ZNF462: variants seen among roughly 807,000 people sequenced by gnomAD.
ZNF462 encodes the protein zinc finger PBX1-interacting protein.
Under a neutral mutation model 201.9 loss-of-function variants are expected in ZNF462, and 10 were observed. The ratio of observed to expected loss-of-function variants is 0.05; its 90% CI spans 0.03 to 0.08. ZNF462 has a LOEUF of 0.08. ZNF462 is among the 10% of genes least tolerant of loss of function. The probability of loss-of-function intolerance (pLI) is 1.00; values close to 1 mark genes in which losing one functional copy is unlikely to be tolerated. For missense variants in ZNF462, 2,523 were observed against 3,168.3 expected, an observed-to-expected ratio of 0.80 and a Z score of 4.89; for synonymous variants, 1,227 against 1,193.3, an observed-to-expected ratio of 1.03 and a Z score of -0.58.
At chr9:106,967,935 A>C (rs1012218147) in intron 7 of ZNF462, among the ~76,000 whole-genome samples, 2 of 150,912 alleles carry the variant, frequency 1.3e-5, no homozygotes, top group African/African-American at 4.9e-5. Flanking sequence ...TTCCCTATTC[A>C]TTTTAGTGTT....
chr9:106,926,629 G>C lies in ZNF462; in HGVS notation c.2717G>C (p.Gly906Ala), dbSNP rs777841203. 1 of 1,613,988 alleles carries C rather than the reference G, an allele frequency of 6.2e-7. No individual in the cohort carries two copies. The highest frequency in any genetic ancestry group is 8.5e-7 in the Non-Finnish European group (1 of 1,180,008). The change falls in exon 3 of 13, where the codon GGC (glycine) becomes GCC (alanine). Residue 906 changes from glycine (G) to alanine (A), a missense_variant. Gly to Ala is a moderately conservative substitution (Grantham distance 60, BLOSUM62 0). Around this residue, in one of 15 missense-constraint regions of ZNF462, gnomAD observed 280 missense variants for 321.3 expected, o/e 0.87. Coordinates refer to ENST00000277225, the MANE Select transcript of ZNF462 (RefSeq NM_021224.6). The surrounding 1 kb of genome is among the most constrained non-coding windows in gnomAD (Gnocchi z 7.9). ...TNFEDLQQHYGEHHPEAMNVL... is the reference protein window; with the variant it reads ...TNFEDLQQHYAEHHPEAMNVL... Reference sequence around the variant, plus strand: ...TTCGAAGATCTCCAGCAGCATTATGGCGAGCACCACCCAGAAGCCATGAAT... The same window carrying C: ...TTCGAAGATCTCCAGCAGCATTATGCCGAGCACCACCCAGAAGCCATGAAT...
At position 106,970,878 on chromosome 9, in the gene ZNF462, C is replaced by A. The variant is rs1037121745; in HGVS notation, c.6428-1127C>A. ...AAGAAGAAACGCTGAGATTTCCCCT[C>A]CTCCCTCCTAGATCAGATTTCTCCA... On this transcript the variant is annotated intron_variant, in intron 7 of 12. Transcript: ENST00000277225. This position sits in a 1 kb window ranked among gnomAD's most constrained non-coding sequence, Gnocchi z 4.2. Among the ~76,000 whole-genome samples the A allele has an allele frequency of 2.0e-5, 3 of 151,350 alleles. No individual in the cohort carries two copies. Among genetic ancestry groups the A allele is most frequent in the African/African-American group, 7.3e-5 (3 of 41,122 alleles).
upstream of ZNF462, among the ~76,000 whole-genome samples, chr9:106,860,845 C>T (rs190019713): frequency 6.5e-3 from 986 of 152,176 alleles, 33 homozygotes; most frequent in Admixed American, 0.059. This position sits in a 1 kb window ranked among gnomAD's most constrained non-coding sequence, Gnocchi z 7.1. Context: ...TCCCTAGGTC[C>T]CTCCGGGCAC....
At position 106,924,521 on chromosome 9, in the gene ZNF462, A is replaced by G; in HGVS notation, c.609A>G (p.Pro203=). 1.2e-6 allele frequency: 2 copies of G among 1,614,156 alleles called. No homozygotes were observed. The highest frequency in any genetic ancestry group is 1.7e-6 in the Non-Finnish European group (2 of 1,180,026). The stretch of plus-strand genomic sequence containing the variant: ...CCCCACCTGCTCCTGCTCCAATGCC[A>G]GACCCTGTGGTTCCGCCCGTATCAC... ...TAPPPAPAPM[P]DPVVPPVSLQ... Residue 203 remains proline, a synonymous_variant, in exon 3 of 13, where the codon CCA becomes CCG. Coordinates refer to ENST00000277225, the MANE Select transcript of ZNF462 (RefSeq NM_021224.6). The surrounding 1 kb of genome is among the most constrained non-coding windows in gnomAD (Gnocchi z 6.2).
rs373468152 is a variant in ZNF462, at chr9:106,926,068, A to G, written c.2156A>G (p.Asn719Ser). The G allele has an allele frequency of 4.3e-6, 7 of 1,614,118 alleles. No homozygotes were observed. The African/African-American group carries it at 5.3e-5, about 12-fold the overall frequency. The change falls in exon 3 of 13, where the codon AAT becomes AGT. Residue 719 changes from asparagine (N) to serine (S), a missense_variant. By Grantham distance (46) the Asn-to-Ser change is conservative. Around this residue, in one of 15 missense-constraint regions of ZNF462, gnomAD observed 383 missense variants for 453.4 expected, o/e 0.84. Transcript: ENST00000277225. This position sits in a 1 kb window ranked among gnomAD's most constrained non-coding sequence, Gnocchi z 7.9. ...QTKQQEDAVI[N>S]VEDDEEEEED... ...AAACAGCAGGAAGATGCAGTGATCA[A>G]TGTTGAGGATGATGAAGAGGAAGAG... is the stretch of plus-strand genomic sequence containing the variant.
At position 106,984,471 on chromosome 9, in the gene ZNF462, A is replaced by G; in HGVS notation, c.7056+62A>G. ...CTTGTGGGGAGGGGCCAAGGGGGAG[A>G]CACCACTGCATTTAGTCACGACCAC... On this transcript the variant is annotated intron_variant, in intron 10 of 12. Transcript: ENST00000277225. The surrounding 1 kb of genome is among the most constrained non-coding windows in gnomAD (Gnocchi z 6.4). 1 of 1,340,736 alleles carries G rather than the reference A, an allele frequency of 7.5e-7. No homozygotes were observed. Among genetic ancestry groups the G allele is most frequent in the East Asian group, 2.3e-5 (1 of 43,336 alleles). 83.1% of individuals were successfully genotyped at this position (1,340,736 alleles called of 1,614,324 possible). A position where few individuals can be genotyped will look rare whatever the true frequency, so the allele number is the denominator to read the frequency against.
chr9:106,950,702 T>C lies in ZNF462; in HGVS notation c.6427+11595T>C, dbSNP rs895611572. Among the ~76,000 whole-genome samples the C allele has an allele frequency of 1.3e-5, 2 of 152,204 alleles. No homozygotes were observed. Among genetic ancestry groups the C allele is most frequent in the Non-Finnish European group, 2.9e-5 (2 of 68,034 alleles). The stretch of plus-strand genomic sequence containing the variant: ...GTGTGTTGTTCTGTGGACAATAAAA[T>C]AAGATCATTTTTGCTAATATGGTTA... On this transcript the variant is annotated intron_variant, in intron 7 of 12. Coordinates refer to ENST00000277225, the MANE Select transcript of ZNF462 (RefSeq NM_021224.6). This position sits in a 1 kb window ranked among gnomAD's most constrained non-coding sequence, Gnocchi z 4.1.
At chr9:106,881,357 A>G (rs1204790172) in intron 1 of ZNF462, among the ~76,000 whole-genome samples, 1 of 152,014 alleles carries the variant, frequency 6.6e-6, no homozygotes, top group Non-Finnish European at 1.5e-5. Context: ...GGTGAGGGCC[A>G]TGGTGTATAG....
chr9:106,982,096 G>A (rs1382116019), intron 9 of ZNF462, among the ~76,000 whole-genome samples: 1 of 150,454 alleles, frequency 6.6e-6, no homozygotes, highest in Non-Finnish European at 1.5e-5. Context: ...GTTCCCCGTG[G>A]TTCAGCCTGC....
In ZNF462 at chr9:106,930,474, A is replaced by T. The variant is rs1250055167; in HGVS notation, c.5848-51A>T. 11 of 1,596,536 alleles carry T rather than the reference A, an allele frequency of 6.9e-6. No homozygotes were observed. Among genetic ancestry groups the T allele is most frequent in the African/African-American group, 1.3e-5 (1 of 74,418 alleles). On this transcript the variant is annotated intron_variant, in intron 3 of 12. Coordinates refer to ENST00000277225, the MANE Select transcript of ZNF462 (RefSeq NM_021224.6). This position sits in a 1 kb window ranked among gnomAD's most constrained non-coding sequence, Gnocchi z 5.8. ...TAGTAAACTGCAAGAATAAATTCTGACAATTGAGGGAGGGCTCGGAGTACT... is the reference window on the plus strand; with the variant it reads ...TAGTAAACTGCAAGAATAAATTCTGTCAATTGAGGGAGGGCTCGGAGTACT...
chr9:106,864,074 C>CTG (rs1564062467), intron 1 of ZNF462, among the ~76,000 whole-genome samples: 1 of 132,504 alleles, frequency 7.5e-6, no homozygotes, highest in Non-Finnish European at 1.6e-5. Context: ...CTCTCTCTCT[C>CTG]TCTCTCTCTC....
chr9:107,004,764 A>T (rs1324351437), intron 11 of ZNF462, among the ~76,000 whole-genome samples: 1 of 152,168 alleles, frequency 6.6e-6, no homozygotes, highest in African/African-American at 2.4e-5. Flanking sequence ...ATTGTCAGGT[A>T]TACAATATGT....
At chr9:107,000,006 T>A (rs527498394) in intron 10 of ZNF462, among the ~76,000 whole-genome samples, 107 of 152,144 alleles carry the variant, frequency 7.0e-4, no homozygotes, top group Middle Eastern at 3.4e-3. Context: ...TGCAGAATGC[T>A]GTGAACACAT....
chr9:107,011,204 A>T lies in ZNF462; in HGVS notation c.*174A>T. The T allele has an allele frequency of 1.7e-6, 1 of 596,496 alleles. No homozygotes were observed. The highest frequency in any genetic ancestry group is 2.8e-5 in the East Asian group (1 of 35,480). 37.0% of individuals were successfully genotyped at this position (596,496 alleles called of 1,614,324 possible). ...ACCTGTGTGAGTGAGTATGTAAATT[A>T]AAGTTATTTAAATGGTTGGAATATG... On this transcript the variant is annotated 3_prime_UTR_variant, in exon 13 of 13. Coordinates refer to ENST00000277225, the MANE Select transcript of ZNF462 (RefSeq NM_021224.6). This position sits in a 1 kb window ranked among gnomAD's most constrained non-coding sequence, Gnocchi z 5.6.
rs188247872 is a variant in ZNF462 at position 106,962,771 on chromosome 9, T to G, written c.6428-9234T>G. 1.3e-3 allele frequency among the ~76,000 whole-genome samples: 191 copies of G among 152,190 alleles called. 2 individuals carry two copies. The highest frequency in any genetic ancestry group is 3.4e-4 in the Non-Finnish European group (23 of 67,976). On this transcript the variant is annotated intron_variant, in intron 7 of 12. Transcript: ENST00000277225. The surrounding 1 kb of genome is among the most constrained non-coding windows in gnomAD (Gnocchi z 4.6). The stretch of plus-strand genomic sequence containing the variant: ...AACCTTATTTTCAGGATTAGGCGTT[T>G]GTTTTTCCGTTTGCCTCCATGACAA...
Position 106,872,405 on chromosome 9 carries a change from C to G in ZNF462, c.-31+9050C>G, listed in dbSNP as rs558845991. Among the ~76,000 whole-genome samples the G allele has an allele frequency of 1.3e-5, 2 of 151,988 alleles. No homozygotes were observed. The highest frequency in any genetic ancestry group is 1.9e-4 in the East Asian group (1 of 5,182). ...TTTGGAGACAGTTTTGCTCTGTCTC[C>G]CAGGCTGGAGTGCAGTGGCACGATC... On this transcript the variant is annotated intron_variant, in intron 1 of 12. Transcript: ENST00000277225. The surrounding 1 kb of genome is among the most constrained non-coding windows in gnomAD (Gnocchi z 4.5).
intron 1 of ZNF462, among the ~76,000 whole-genome samples, chr9:106,878,590 ATC>A (rs907659589): frequency 5.3e-5 from 8 of 152,110 alleles, no homozygotes; most frequent in Non-Finnish European, 1.2e-4. Flanking sequence ...GGGATATGAG[ATC>A]TCTCTATCAC....
At chr9:106,898,229 ACAGTCCCTG>A (rs768275093) in intron 1 of ZNF462, among the ~76,000 whole-genome samples, 15 of 152,360 alleles carry the variant, frequency 9.8e-5, no homozygotes, top group Non-Finnish European at 1.6e-4. Flanking sequence ...AGAACAGAAC[ACAGTCCCTG>A]CTTTCAAGAA....
intron 1 of ZNF462, among the ~76,000 whole-genome samples, chr9:106,894,734 C>T (rs1222998789): frequency 2.0e-5 from 3 of 152,066 alleles, no homozygotes; most frequent in Admixed American, 6.5e-5. Flanking sequence ...GAAACAGTGC[C>T]TGATCCAAAT....
Sources: gnomAD v4.1 joint callset for allele counts (sites outside exome capture counted in the v4.1 genomes callset) on GRCh38, gnomAD v4.1.1 for gene constraint, gnomAD v4.1.1 regional missense constraint, Gnocchi (gnomAD v3.1) non-coding constraint, MANE v1.5 for transcripts, NCBI Gene and HGNC (gene_info 2026-07-23, HGNC 2026-07-21) for gene names.